ACAN: variants seen among roughly 807,000 people sequenced by gnomAD.
ACAN encodes the protein aggrecan, also known as aggrecan core protein.
A neutral mutation model predicts 169.1 loss-of-function variants in ACAN; 47 were observed. The ratio of observed to expected loss-of-function variants is 0.28; its 90% CI spans 0.22 to 0.35. The LOEUF (loss-of-function observed/expected upper bound fraction) is 0.35. Ranked by LOEUF, ACAN falls within the 10% of genes least tolerant of loss-of-function variation. ACAN has a pLI of 1.00. For synonymous variants in ACAN, 1,115 were observed against 1,112.2 expected (o/e 1.00, Z -0.05); for missense variants, 2,716 against 2,759.9 (o/e 0.98, Z 0.36).
In ACAN at chr15:88,871,478, G is replaced by A. The variant is rs777789052; in HGVS notation, c.7157G>A (p.Cys2386Tyr). 1.2e-6 allele frequency: 2 copies of A among 1,613,768 alleles called. No homozygotes were observed. Among genetic ancestry groups the A allele is most frequent in the South Asian group, 1.1e-5 (1 of 91,080 alleles). The change falls in exon 15 of 19, where the codon TGT becomes TAT. Residue 2386 changes from cysteine (C) to tyrosine (Y), a missense_variant. Cys to Tyr is a radical substitution (Grantham distance 194). Around this residue, in one of 3 missense-constraint regions of ACAN, gnomAD observed 1,389 missense variants for 1,363.7 expected, o/e 1.02. Transcript: ENST00000560601. This position sits in a 1 kb window ranked among gnomAD's most constrained non-coding sequence, Gnocchi z 7.8. ...RETWVDAERR[C>Y]REQQSHLSSI... ...ACCTGGGTGGATGCTGAGCGCCGGT[G>A]TCGGGAGCAGCAGTCACACCTGAGC...
intron 1 of ACAN, among the ~76,000 whole-genome samples, chr15:88,826,146 C>T (rs1014233829): frequency 2.0e-5 from 3 of 152,142 alleles, no homozygotes; most frequent in Non-Finnish European, 4.4e-5. Flanking sequence ...CAGCTCACGT[C>T]GGGGGGCTCT....
intron 1 of ACAN, among the ~76,000 whole-genome samples, chr15:88,810,815 C>G (rs1895803358): frequency 6.6e-6 from 1 of 152,168 alleles, no homozygotes; most frequent in African/African-American, 2.4e-5. Context: ...GGCGGGGAAT[C>G]TGTGGTTTTC....
chr15:88,846,250 C>T (rs1896789774), intron 7 of ACAN, among the ~76,000 whole-genome samples: 1 of 152,146 alleles, frequency 6.6e-6, no homozygotes, highest in Admixed American at 6.5e-5. Context: ...ACTAGAAAAC[C>T]ACTGCCTTGG....
In ACAN at chr15:88,858,566, C is replaced by G. The variant is rs760652757; in HGVS notation, c.5981C>G (p.Pro1994Arg). The G allele has an allele frequency of 6.2e-7, 1 of 1,613,850 alleles. No individual in the cohort carries two copies. Among genetic ancestry groups the G allele is most frequent in the South Asian group, 1.1e-5 (1 of 91,082 alleles). The change falls in exon 12 of 19, where the codon CCC becomes CGC. Residue 1994 changes from proline (P) to arginine (R), a missense_variant. Pro to Arg is a moderately radical substitution (Grantham distance 103). Coordinates refer to ENST00000560601, the MANE Select transcript of ACAN (RefSeq NM_001369268.1). The surrounding 1 kb of genome is among the most constrained non-coding windows in gnomAD (Gnocchi z 4.0). ...LSGLQSGLIE[P>R]SGEPPGTPYF... The stretch of plus-strand genomic sequence containing the variant: ...GGGCTGCAGTCCGGGCTGATAGAGC[C>G]CAGCGGAGAGCCACCAGGTACTCCA...
chr15:88,855,006 C>A lies in ACAN; in HGVS notation c.2421C>A (p.Pro807=). 1 of 1,595,548 alleles carries A rather than the reference C, an allele frequency of 6.3e-7. No homozygotes were observed. Among genetic ancestry groups the A allele is most frequent in the Non-Finnish European group, 8.5e-7 (1 of 1,171,912 alleles). Residue 807 remains proline (P), a synonymous_variant, in exon 12 of 19, where the codon CCC becomes CCA. Coordinates refer to ENST00000560601, the MANE Select transcript of ACAN (RefSeq NM_001369268.1). ...EEPSPSEEPF[P]SVRPFPSVEL... is the part of the protein sequence containing the mutation. ...CATCCCCCTCAGAGGAACCATTCCC[C>A]TCAGTGAGGCCATTCCCCTCAGTGG... is the stretch of plus-strand genomic sequence containing the variant.
Position 88,861,338 on chromosome 15 carries a change from A to C in ACAN, c.6946+899A>C, listed in dbSNP as rs1331087818. Reference sequence around the variant, plus strand: ...GGTCACTCCTAGGACATGTGCAAAAATGAAAAAACGAATCCTGGAGAAAAA... The same window carrying C: ...GGTCACTCCTAGGACATGTGCAAAACTGAAAAAACGAATCCTGGAGAAAAA... On this transcript the variant is annotated intron_variant, in intron 13 of 18. Coordinates refer to ENST00000560601, the MANE Select transcript of ACAN (RefSeq NM_001369268.1). The surrounding 1 kb of genome is among the most constrained non-coding windows in gnomAD (Gnocchi z 6.3). 6.6e-6 allele frequency among the ~76,000 whole-genome samples: 1 copy of C among 152,126 alleles called. No homozygotes were observed. The highest frequency in any genetic ancestry group is 1.5e-5 in the Non-Finnish European group (1 of 68,030).
chr15:88,872,896 C>A lies in ACAN; in HGVS notation c.7318C>A (p.Arg2440Ser). Reference protein sequence around the residue: ...DGHPMQFENWRPNQPDNFFAA... With the variant: ...DGHPMQFENWSPNQPDNFFAA... ...CCACCCACAGCAATTTGAGAACTGG[C>A]GCCCCAACCAGCCTGACAACTTTTT... is the stretch of plus-strand genomic sequence containing the variant. The change falls in exon 17 of 19, where the codon CGC becomes AGC. Residue 2440 changes from arginine (R) to serine (S), a missense_variant. This residue lies in a region of ACAN where 1,389 missense variants were observed against 1,363.7 expected (regional missense o/e 1.02). Transcript: ENST00000560601. This position sits in a 1 kb window ranked among gnomAD's most constrained non-coding sequence, Gnocchi z 5.4. The A allele has an allele frequency of 3.1e-6, 5 of 1,613,552 alleles. No homozygotes were observed. Among genetic ancestry groups the A allele is most frequent in the East Asian group, 2.2e-5 (1 of 44,876 alleles).
At chr15:88,862,891 G>A (rs143061087) in intron 13 of ACAN, among the ~76,000 whole-genome samples, 23 of 151,904 alleles carry the variant, frequency 1.5e-4, no homozygotes, top group African/African-American at 4.8e-4. Context: ...CTAGCTACTC[G>A]GGAGGCTGAG....
At chr15:88,813,411 A>G (rs908844653) in intron 1 of ACAN, among the ~76,000 whole-genome samples, 1 of 152,194 alleles carries the variant, frequency 6.6e-6, no homozygotes, top group Non-Finnish European at 1.5e-5. Flanking sequence ...TACTGTGGCC[A>G]TGGCTCAGGG....
intron 1 of ACAN, among the ~76,000 whole-genome samples, chr15:88,806,534 C>T (rs375680510): frequency 1.3e-5 from 2 of 152,022 alleles, no homozygotes; most frequent in Non-Finnish European, 2.9e-5. Flanking sequence ...ATTTGTAGTA[C>T]AGACGAGATT....
intron 1 of ACAN, among the ~76,000 whole-genome samples, chr15:88,808,895 G>GAAAA (rs1895751986): frequency 1.4e-5 from 1 of 70,804 alleles, no homozygotes; most frequent in Non-Finnish European, 3.4e-5. Context: ...TAAATGAAAA[G>GAAAA]GAAAAGAAAA....
intron 1 of ACAN, among the ~76,000 whole-genome samples, chr15:88,808,816 G>A (rs1895749528): frequency 6.6e-6 from 1 of 152,166 alleles, no homozygotes; most frequent in South Asian, 2.1e-4. Context: ...ATGCCCAACT[G>A]GGCATGGCAA....
chr15:88,811,998 T>C (rs930691696), intron 1 of ACAN, among the ~76,000 whole-genome samples: 2 of 152,174 alleles, frequency 1.3e-5, no homozygotes, highest in Non-Finnish European at 2.9e-5. Context: ...GACTTGTCAA[T>C]ATTTTGACAG....
chr15:88,813,989 T>G (rs1338815816), intron 1 of ACAN, among the ~76,000 whole-genome samples: 1 of 152,220 alleles, frequency 6.6e-6, no homozygotes, highest in Non-Finnish European at 1.5e-5. Context: ...TACCTACATA[T>G]TTATTCCTAG....
intron 4 of ACAN, among the ~76,000 whole-genome samples, chr15:88,841,173 C>T (rs1205613889): frequency 6.6e-6 from 1 of 152,206 alleles, no homozygotes; most frequent in Non-Finnish European, 1.5e-5. Flanking sequence ...ACTCAAATTC[C>T]AGCTCTGGCA....
At chr15:88,859,491 C>A in intron 12 of ACAN, 74 bp downstream of exon 12, 1 of 1,543,722 alleles carries the variant, frequency 6.5e-7, no homozygotes, top group Non-Finnish European at 8.8e-7. Flanking sequence ...CAGAAGGAGG[C>A]AGCATAGCTT....
chr15:88,855,137 G>A lies in ACAN; in HGVS notation c.2552G>A (p.Trp851Ter). 1 of 1,609,228 alleles carries A rather than the reference G, an allele frequency of 6.2e-7. No individual in the cohort carries two copies. Among genetic ancestry groups the A allele is most frequent in the Non-Finnish European group, 8.5e-7 (1 of 1,177,144 alleles). ...PYTPSPPVPSWTELPSSGEES... is the reference protein window; with the variant it reads ...PYTPSPPVPS ...ACACCTTCACCCCCCGTGCCCAGCT[G>A]GACTGAGCTGCCCAGCTCTGGGGAG... The change falls in exon 12 of 19, where the codon TGG (tryptophan) becomes TAG (stop). Residue 851 changes from tryptophan to a stop codon, truncating the protein, a stop_gained. Transcript: ENST00000560601. LOFTEE classifies it high-confidence loss of function.
At chr15:88,850,139 G>A in intron 10 of ACAN, 2 of 479,248 alleles carry the variant, frequency 4.2e-6, no homozygotes, top group Non-Finnish European at 7.4e-6. Flanking sequence ...CTCAATAAAT[G>A]TTAGCTTTAT....
chr15:88,873,975 G>T lies in ACAN; in HGVS notation c.7581G>T (p.Arg2527=). 6.2e-7 allele frequency: 1 copy of T among 1,613,192 alleles called. No individual in the cohort carries two copies. The highest frequency in any genetic ancestry group is 8.5e-7 in the Non-Finnish European group (1 of 1,179,858). Residue 2527 remains arginine, a synonymous_variant, in exon 18 of 19, where the codon CGG becomes CGT. Transcript: ENST00000560601. The surrounding 1 kb of genome is among the most constrained non-coding windows in gnomAD (Gnocchi z 7.5). Reference sequence around the variant, plus strand: ...TCCAGCGCCACATGCCCACCATCCGGTGCCAGCCCAGCGGGCACTGGGAGG... The same window carrying T: ...TCCAGCGCCACATGCCCACCATCCGTTGCCAGCCCAGCGGGCACTGGGAGG... ...GFVQRHMPTI[R]CQPSGHWEEP...
Sources: gnomAD v4.1 joint callset for allele counts (sites outside exome capture counted in the v4.1 genomes callset) on GRCh38, gnomAD v4.1.1 for gene constraint, gnomAD v4.1.1 regional missense constraint, Gnocchi (gnomAD v3.1) non-coding constraint, MANE v1.5 for transcripts, NCBI Gene and HGNC (gene_info 2026-07-23, HGNC 2026-07-21) for gene names.